Variants in SOBP observed in about 807,000 individuals in gnomAD.
SOBP encodes sine oculis binding protein homolog.
SOBP carries 4 observed loss-of-function variants against 53.6 expected under a neutral mutation model. The ratio of observed to expected loss-of-function variants is 0.07; its 90% confidence interval spans 0.04 to 0.17. SOBP has a LOEUF of 0.17. Ranked by LOEUF, SOBP falls within the 10% of genes least tolerant of loss-of-function variation. The probability of loss-of-function intolerance (pLI) is 1.00; values close to 1 mark genes in which losing one functional copy is unlikely to be tolerated. For missense variants in SOBP, 1,088 were observed against 1,204.7 expected, an observed-to-expected ratio of 0.90 and a Z score of 1.43; for synonymous variants, 584 against 522.6, an observed-to-expected ratio of 1.12 and a Z score of -1.60.
intron 3 of SOBP, among the ~76,000 whole-genome samples, chr6:107,516,974 TA>T (rs1210780486): frequency 6.6e-6 from 1 of 152,188 alleles, no homozygotes; most frequent in East Asian, 1.9e-4. Flanking sequence ...CTAATTCTGA[TA>T]AAAATCCTGC....
chr6:107,501,901 A>G lies in SOBP; in HGVS notation c.97-1756A>G, dbSNP rs568376975. Among the ~76,000 whole-genome samples the G allele has an allele frequency of 1.2e-4, 19 of 152,362 alleles. 1 individual carries two copies. The South Asian group carries it at 3.9e-3, about 32-fold the overall frequency. ...TTTAATGTGGACACGACCAGCCATC[A>G]GAGAGAATAAATGCCTCACTAAAGC... On this transcript the variant is annotated intron_variant, in intron 1 of 6. Coordinates refer to ENST00000317357, the MANE Select transcript of SOBP (RefSeq NM_018013.4).
At chr6:107,492,575 C>T (rs1037673663) in intron 1 of SOBP, among the ~76,000 whole-genome samples, 2 of 152,126 alleles carry the variant, frequency 1.3e-5, no homozygotes, top group Non-Finnish European at 2.9e-5. Flanking sequence ...GATAGTTGTC[C>T]TTCTGCAGTA....
chr6:107,572,777 A>T (rs1333196939), intron 4 of SOBP, among the ~76,000 whole-genome samples: 5 of 152,248 alleles, frequency 3.3e-5, no homozygotes, highest in Non-Finnish European at 7.3e-5. Flanking sequence ...TCAGCAAATG[A>T]TAAAGGTGTC....
intron 3 of SOBP, among the ~76,000 whole-genome samples, chr6:107,508,628 T>C (rs868157885): frequency 4.7e-4 from 71 of 152,164 alleles, no homozygotes; most frequent in Admixed American, 3.9e-4. Context: ...AGATATGTCA[T>C]TAAAATCCAT....
intron 5 of SOBP, among the ~76,000 whole-genome samples, chr6:107,609,038 T>C (rs1178251947): frequency 6.6e-6 from 1 of 152,248 alleles, no homozygotes; most frequent in Non-Finnish European, 1.5e-5. Flanking sequence ...ATTCACACCC[T>C]AATTTGATAC....
chr6:107,511,652 C>T (rs931949718), intron 3 of SOBP: 1 of 152,246 alleles, frequency 6.6e-6, no homozygotes, highest in Non-Finnish European at 1.5e-5. Flanking sequence ...TTTCCACTCT[C>T]CTTTCTCACA....
intron 4 of SOBP, among the ~76,000 whole-genome samples, chr6:107,553,810 C>A (rs555440983): frequency 6.6e-6 from 1 of 151,974 alleles, no homozygotes; most frequent in Admixed American, 6.6e-5. Context: ...TTAGTAGAGA[C>A]GAGGTTTTGC....
chr6:107,503,070 A>G (rs1480920631), intron 1 of SOBP, among the ~76,000 whole-genome samples: 1 of 152,196 alleles, frequency 6.6e-6, no homozygotes, highest in Non-Finnish European at 1.5e-5. Flanking sequence ...TGATTTTTGA[A>G]AAAACTCTTG....
intron 1 of SOBP, among the ~76,000 whole-genome samples, chr6:107,492,596 T>C (rs1782607055): frequency 6.6e-6 from 1 of 152,182 alleles, no homozygotes; most frequent in Non-Finnish European, 1.5e-5. Flanking sequence ...TAACAGATGT[T>C]TGTCTGAACT....
chr6:107,627,857 A>G (rs1583287613), intron 5 of SOBP, among the ~76,000 whole-genome samples: 1 of 152,052 alleles, frequency 6.6e-6, no homozygotes, highest in East Asian at 1.9e-4. Context: ...TCCTTCCTTC[A>G]CTCAAATCCA....
intron 3 of SOBP, chr6:107,514,757 A>G (rs988260035): frequency 2.0e-5 from 3 of 152,160 alleles, no homozygotes; most frequent in Non-Finnish European, 4.4e-5. Context: ...TTATTTCCCT[A>G]TATTTATAAA....
intron 6 of SOBP, among the ~76,000 whole-genome samples, chr6:107,637,284 C>T (rs1450477326): frequency 6.6e-6 from 1 of 152,168 alleles, no homozygotes; most frequent in Non-Finnish European, 1.5e-5. Context: ...AAGTTGGGCC[C>T]CTAGCATAGC....
chr6:107,568,013 G>T (rs1784966490), intron 4 of SOBP, among the ~76,000 whole-genome samples: 1 of 152,198 alleles, frequency 6.6e-6, no homozygotes, highest in South Asian at 2.1e-4. Context: ...TACGTTTTAA[G>T]AACCTGGGAC....
chr6:107,552,479 G>A (rs935324420), intron 4 of SOBP, among the ~76,000 whole-genome samples: 7 of 152,198 alleles, frequency 4.6e-5, no homozygotes, highest in Non-Finnish European at 8.8e-5. Flanking sequence ...GGGGAGTGGA[G>A]GAAGACCAGA....
At chr6:107,637,120 C>T (rs891146124) in intron 6 of SOBP, among the ~76,000 whole-genome samples, 37 of 152,192 alleles carry the variant, frequency 2.4e-4, no homozygotes, top group African/African-American at 8.4e-4. Flanking sequence ...CAAACAAAAA[C>T]TGAGTCTACC....
At chr6:107,561,262 G>A (rs985398787) in intron 4 of SOBP, among the ~76,000 whole-genome samples, 26 of 152,114 alleles carry the variant, frequency 1.7e-4, no homozygotes, top group African/African-American at 5.5e-4. Flanking sequence ...CAAGGCATAC[G>A]TAGTTCATGG....
At chr6:107,651,491 G>A (rs925472581) in intron 6 of SOBP, among the ~76,000 whole-genome samples, 4 of 152,216 alleles carry the variant, frequency 2.6e-5, no homozygotes, top group Non-Finnish European at 4.4e-5. Context: ...GAAGCTAGCA[G>A]AGGTTGGTTC....
intron 4 of SOBP, 28 bp downstream of exon 4, chr6:107,533,638 C>T (rs1443345382): frequency 6.2e-7 from 1 of 1,613,696 alleles, no homozygotes; most frequent in African/African-American, 1.3e-5. Flanking sequence ...AGAGGCGGCC[C>T]CCCACAGGCC....
At chr6:107,557,264 C>A (rs1784640012) in intron 4 of SOBP, among the ~76,000 whole-genome samples, 1 of 152,084 alleles carries the variant, frequency 6.6e-6, no homozygotes, top group Admixed American at 6.5e-5. Flanking sequence ...ACATATAAAA[C>A]TTCCTTTGTA....
Sources: gnomAD v4.1 joint callset for allele counts (sites outside exome capture counted in the v4.1 genomes callset) on GRCh38, gnomAD v4.1.1 for gene constraint, MANE v1.5 for transcripts, NCBI Gene and HGNC (gene_info 2026-07-23, HGNC 2026-07-21) for gene names.